ADGRA2: variants seen among roughly 807,000 people sequenced by gnomAD.
ADGRA2 encodes adhesion G protein-coupled receptor A2.
In ADGRA2, 61 loss-of-function variants were observed where a neutral mutation model predicts 98.7. The ratio of observed to expected loss-of-function variants is 0.62; its 90% CI spans 0.50 to 0.76. ADGRA2 has a LOEUF of 0.76. ADGRA2 is among the 30% of genes least tolerant of loss of function. The probability of loss-of-function intolerance (pLI) is 0.00; values close to 1 mark genes in which losing one functional copy is unlikely to be tolerated. For missense variants in ADGRA2, 1,712 were observed against 1,860.0 expected (o/e 0.92, Z 1.46); for synonymous variants, 858 against 831.5 (o/e 1.03, Z -0.55).
At position 37,797,168 on chromosome 8, in the gene ADGRA2, G is replaced by A; in HGVS notation, c.-101G>A. ...AGGGCCCCCCTCCACGCCCTCGGGA[G>A]CCCCGGGCCCCCGCTGAGCACTCCT... On this transcript the variant is annotated 5_prime_UTR_variant, in exon 1 of 19. Transcript: ENST00000412232. The surrounding 1 kb of genome is among the most constrained non-coding windows in gnomAD (Gnocchi z 5.3). The A allele has an allele frequency of 1.0e-6, 1 of 960,522 alleles. No individual in the cohort carries two copies. Among genetic ancestry groups the A allele is most frequent in the Non-Finnish European group, 1.3e-6 (1 of 757,612 alleles). 59.5% of individuals were successfully genotyped at this position (960,522 alleles called of 1,614,324 possible).
At chr8:37,826,129 G>A (rs950968877) in intron 2 of ADGRA2, among the ~76,000 whole-genome samples, 2 of 152,210 alleles carry the variant, frequency 1.3e-5, no homozygotes, top group African/African-American at 4.8e-5. Context: ...CAAGTGAGCG[G>A]GGAGGGAAGG....
Position 37,837,810 on chromosome 8 carries a change from C to G in ADGRA2, c.2130C>G (p.Ala710=). 2 of 1,544,378 alleles carry G rather than the reference C, an allele frequency of 1.3e-6. No homozygotes were observed. The highest frequency in any genetic ancestry group is 8.7e-7 in the Non-Finnish European group (1 of 1,143,684). ...GGGCTGAGGGAGCCGAACCTGTGGC[C>G]GCTTGGTGGAGCCAGGAGGGGCCCG... ...RHWAEGAEPV[A]AWWSQEGPGE... is the part of the protein sequence containing the mutation. Residue 710 remains alanine, a synonymous_variant, in exon 14 of 19, where the codon GCC becomes GCG. Transcript: ENST00000412232.
At chr8:37,827,254 T>A (rs1805308125) in intron 2 of ADGRA2, among the ~76,000 whole-genome samples, 1 of 152,228 alleles carries the variant, frequency 6.6e-6, no homozygotes, top group Non-Finnish European at 1.5e-5. Flanking sequence ...TAGGCATCTG[T>A]CCCTGGCTGT....
chr8:37,829,702 C>T, intron 5 of ADGRA2, 143 bp downstream of exon 5: 1 of 961,722 alleles, frequency 1.0e-6, no homozygotes, highest in Non-Finnish European at 1.6e-6. Context: ...TGATCACCTT[C>T]CCGCGATGGC....
intron 1 of ADGRA2, among the ~76,000 whole-genome samples, chr8:37,799,477 T>A (rs1025975541): frequency 6.6e-6 from 1 of 151,916 alleles, no homozygotes; most frequent in Non-Finnish European, 1.5e-5. Flanking sequence ...TCTCTGCGTG[T>A]CTCTGTGTCA....
chr8:37,832,694 C>G (rs535318279), intron 8 of ADGRA2, among the ~76,000 whole-genome samples: 4 of 152,204 alleles, frequency 2.6e-5, no homozygotes, highest in Non-Finnish European at 5.9e-5. Flanking sequence ...TGCAGGGAAG[C>G]TATTATTCTC....
chr8:37,819,612 C>T (rs756883735), intron 2 of ADGRA2, among the ~76,000 whole-genome samples: 3 of 152,080 alleles, frequency 2.0e-5, no homozygotes, highest in Non-Finnish European at 4.4e-5. Context: ...CCTTGTGATC[C>T]GCCCTCCTTG....
intron 1 of ADGRA2, among the ~76,000 whole-genome samples, chr8:37,805,010 T>G (rs1422428649): frequency 6.6e-6 from 1 of 152,192 alleles, no homozygotes; most frequent in East Asian, 1.9e-4. Context: ...CTTCAGACAA[T>G]GTGACCCCTA....
chr8:37,812,585 C>T (rs1804868215), intron 1 of ADGRA2, among the ~76,000 whole-genome samples: 1 of 152,130 alleles, frequency 6.6e-6, no homozygotes, highest in Non-Finnish European at 1.5e-5. Context: ...GGAGATTGCA[C>T]CACTGCACTC....
Position 37,840,115 on chromosome 8 carries a change from C to A in ADGRA2, c.2512-6C>A. 6.3e-7 allele frequency: 1 copy of A among 1,583,146 alleles called. No individual in the cohort carries two copies. Among genetic ancestry groups the A allele is most frequent in the Non-Finnish European group, 8.6e-7 (1 of 1,168,964 alleles). On this transcript the variant is annotated splice_region_variant and splice_polypyrimidine_tract_variant and intron_variant, in intron 16 of 18. Transcript: ENST00000412232. ...GGTCCCCAGCCTCCGTGCCTTGACCCCGCAGGTGGGCATCACCCTGCACTA... is the reference window on the plus strand; with the variant it reads ...GGTCCCCAGCCTCCGTGCCTTGACCACGCAGGTGGGCATCACCCTGCACTA...
chr8:37,797,531 C>A lies in ADGRA2; in HGVS notation c.263C>A (p.Thr88Asn), dbSNP rs775003566. ...GGCCTTCTGCCTAACGGCACCGTTA[C>A]CCTGTGAGTACCCTACCAGGCCAGT... ...EPGLLPNGTV[T>N]LLLSNNKITG... The change falls in exon 1 of 19, where the codon ACC becomes AAC. Residue 88 changes from threonine (T) to asparagine (N), a missense_variant. Thr to Asn is a moderately conservative substitution (Grantham distance 65). Transcript: ENST00000412232. This position sits in a 1 kb window ranked among gnomAD's most constrained non-coding sequence, Gnocchi z 5.3. The A allele has an allele frequency of 4.2e-5, 59 of 1,396,876 alleles. 1 individual carries two copies. In the South Asian group the frequency reaches 9.3e-4, roughly 22 times the overall value. 86.5% of individuals were successfully genotyped at this position (1,396,876 alleles called of 1,614,324 possible). A position where few individuals can be genotyped will look rare whatever the true frequency, so the allele number is the denominator to read the frequency against.
In ADGRA2 at chr8:37,833,208, G is replaced by T; in HGVS notation, c.1296G>T (p.Leu432=). ...CCAGGGTGCTGTACACCTTCGTGCT[G>T]GTGAGGAGAGGCTAGGGCACCCCAC... ...DITRVLYTFV[L]MPINASNALT... The change falls in exon 9 of 19, where the codon CTG becomes CTT. Residue 432 remains leucine (L), a splice_region_variant and synonymous_variant. Coordinates refer to ENST00000412232, the MANE Select transcript of ADGRA2 (RefSeq NM_032777.10). 6.2e-7 allele frequency: 1 copy of T among 1,606,898 alleles called. No individual in the cohort carries two copies.
At position 37,823,348 on chromosome 8, in the gene ADGRA2, C is replaced by T. The variant is rs540278761; in HGVS notation, c.339-5540C>T. Among the ~76,000 whole-genome samples the T allele has an allele frequency of 3.9e-4, 60 of 151,918 alleles. No individual in the cohort carries two copies. In the East Asian group the frequency reaches 9.7e-3, roughly 25 times the overall value. On this transcript the variant is annotated intron_variant, in intron 2 of 18. Transcript: ENST00000412232. Reference sequence around the variant, plus strand: ...CCTGAATAGCTGGGACTTACAGGCACGCACCACCATGCCTGGCCAATTTTC... The same window carrying T: ...CCTGAATAGCTGGGACTTACAGGCATGCACCACCATGCCTGGCCAATTTTC...
At chr8:37,839,113 G>A in intron 15 of ADGRA2, 30 bp downstream of exon 15, 1 of 1,607,408 alleles carries the variant, frequency 6.2e-7, no homozygotes, top group Non-Finnish European at 8.5e-7. Context: ...GGAGGGCGTG[G>A]TGGGCAGGCA....
At position 37,833,726 on chromosome 8, in the gene ADGRA2, C is replaced by A. The variant is rs1371577295; in HGVS notation, c.1335C>A (p.His445Gln). The change falls in exon 10 of 19, where the codon CAC becomes CAA. Residue 445 changes from histidine (H) to glutamine (Q), a missense_variant. His to Gln is a conservative substitution (Grantham distance 24). Transcript: ENST00000412232. ...CCTCCAATGCGCTGACCCTGGCTCA[C>A]CAGCTGCGCGTGTACACAGCCGAGG... ...INASNALTLA[H>Q]QLRVYTAEAA... 6 of 1,614,050 alleles carry A rather than the reference C, an allele frequency of 3.7e-6. No individual in the cohort carries two copies. The highest frequency in any genetic ancestry group is 1.1e-5 in the South Asian group (1 of 91,090).
chr8:37,828,202 C>T (rs1563346814), intron 2 of ADGRA2, among the ~76,000 whole-genome samples: 2 of 152,266 alleles, frequency 1.3e-5, no homozygotes, highest in South Asian at 4.1e-4. Flanking sequence ...CCACAAAGGC[C>T]AGGCTCAAGA....
chr8:37,831,921 A>G (rs1326718753), intron 8 of ADGRA2, among the ~76,000 whole-genome samples: 1 of 152,124 alleles, frequency 6.6e-6, no homozygotes, highest in Non-Finnish European at 1.5e-5. Flanking sequence ...TCAGCCAGGC[A>G]TGGTGGTGCG....
At chr8:37,807,387 G>A (rs957279679) in intron 1 of ADGRA2, among the ~76,000 whole-genome samples, 5 of 152,256 alleles carry the variant, frequency 3.3e-5, no homozygotes, top group Middle Eastern at 3.4e-3. Flanking sequence ...TCTTACTGTC[G>A]TATCAACCAT....
intron 13 of ADGRA2, among the ~76,000 whole-genome samples, chr8:37,836,539 G>A (rs551680414): frequency 1.3e-5 from 2 of 152,194 alleles, no homozygotes; most frequent in Admixed American, 6.5e-5. Context: ...CCCTTTTGTC[G>A]TTCCATCTCT....
Sources: allele counts gnomAD v4.1 joint callset (sites outside exome capture counted in the v4.1 genomes callset), GRCh38; gene constraint gnomAD v4.1.1; non-coding constraint Gnocchi (gnomAD v3.1); transcripts MANE v1.5; gene names NCBI Gene and HGNC (gene_info 2026-07-23, HGNC 2026-07-21).